Variants in COL25A1 observed in about 807,000 individuals in gnomAD.
COL25A1 encodes collagen type XXV alpha 1 chain.
Under a neutral mutation model 128.4 loss-of-function variants are expected in COL25A1, and 103 were observed. That is an observed-to-expected ratio of 0.80 (90% CI 0.68 to 0.94). COL25A1 has a LOEUF of 0.94. Among genes scored for constraint, COL25A1 ranks in the 40% least tolerant of loss-of-function variants. COL25A1 has a pLI of 0.00. For missense variants in COL25A1, 745 were observed against 840.0 expected (o/e 0.89, Z 1.40); for synonymous variants, 279 against 277.2 (o/e 1.01, Z -0.06).
intron 3 of COL25A1, among the ~76,000 whole-genome samples, chr4:109,197,379 A>AAT (rs1776148076): frequency 7.8e-6 from 1 of 129,024 alleles, no homozygotes; most frequent in Admixed American, 9.8e-5. Flanking sequence ...TAATATATAT[A>AAT]ATATATAATC....
chr4:109,007,036 T>C (rs1019479543), intron 6 of COL25A1, among the ~76,000 whole-genome samples: 1 of 152,180 alleles, frequency 6.6e-6, no homozygotes, highest in African/African-American at 2.4e-5. Context: ...AACCTGCACA[T>C]CCTGCATATG....
chr4:109,233,175 T>C (rs1369226042), intron 3 of COL25A1, among the ~76,000 whole-genome samples: 1 of 152,184 alleles, frequency 6.6e-6, no homozygotes, highest in Non-Finnish European at 1.5e-5. Context: ...TTAATGCTTA[T>C]CATCTGTATA....
intron 3 of COL25A1, among the ~76,000 whole-genome samples, chr4:109,219,713 T>A (rs1161657755): frequency 1.3e-5 from 2 of 152,184 alleles, no homozygotes; most frequent in African/African-American, 4.8e-5. Flanking sequence ...CTTTGTTGAC[T>A]AATGCCTGAA....
chr4:109,095,908 A>C (rs1765356004), intron 3 of COL25A1, among the ~76,000 whole-genome samples: 1 of 152,130 alleles, frequency 6.6e-6, no homozygotes, highest in Non-Finnish European at 1.5e-5. Context: ...GTAGCAAGAG[A>C]AATTGTTTAC....
chr4:108,840,013 G>A (rs549779043), intron 31 of COL25A1, among the ~76,000 whole-genome samples: 3 of 152,012 alleles, frequency 2.0e-5, no homozygotes, highest in African/African-American at 7.2e-5. Context: ...AGGCCGAGGC[G>A]GGCGGATCAC....
chr4:108,986,156 C>A (rs1753652623), intron 6 of COL25A1, among the ~76,000 whole-genome samples: 1 of 152,190 alleles, frequency 6.6e-6, no homozygotes, highest in Non-Finnish European at 1.5e-5. Context: ...CTGGAATAAT[C>A]TACAAGCCTC....
chr4:108,983,825 G>A (rs1358722985), intron 6 of COL25A1, among the ~76,000 whole-genome samples: 1 of 152,180 alleles, frequency 6.6e-6, no homozygotes, highest in Non-Finnish European at 1.5e-5. Flanking sequence ...CCTTCGCAGT[G>A]AGTGTTGCAG....
intron 13 of COL25A1, among the ~76,000 whole-genome samples, chr4:108,905,898 G>A (rs978000571): frequency 6.6e-6 from 1 of 151,946 alleles, no homozygotes; most frequent in East Asian, 1.9e-4. Context: ...GCAAGCTCTG[G>A]CTCGGGACAG....
intron 15 of COL25A1, among the ~76,000 whole-genome samples, chr4:108,898,899 A>G (rs1259644341): frequency 2.0e-5 from 3 of 152,038 alleles, no homozygotes; most frequent in Admixed American, 2.0e-4. Flanking sequence ...TTTTAACCCA[A>G]ATTTTTGTCT....
rs1756938144 is a variant in COL25A1, at chr4:109,013,805, C to T, written c.421-3430G>A. Among the ~76,000 whole-genome samples the T allele has an allele frequency of 2.0e-5, 3 of 152,128 alleles. No individual in the cohort carries two copies. In the South Asian group the frequency reaches 6.2e-4, roughly 32 times the overall value. On this transcript the variant is annotated intron_variant, in intron 5 of 37. Coordinates refer to ENST00000399132, the MANE Select transcript of COL25A1 (RefSeq NM_198721.4). Reference sequence around the variant, plus strand: ...GTCCGAACATCAGAAGGAACAAACTCCGGACACACCATCTTTAAGAACTGT... The same window carrying T: ...GTCCGAACATCAGAAGGAACAAACTTCGGACACACCATCTTTAAGAACTGT...
At chr4:108,971,283 A>G (rs905243271) in intron 8 of COL25A1, among the ~76,000 whole-genome samples, 4 of 152,192 alleles carry the variant, frequency 2.6e-5, no homozygotes, top group Non-Finnish European at 5.9e-5. Context: ...TTCAACAAAT[A>G]TTTATTGAAT....
chr4:109,205,750 T>C (rs1776929828), intron 3 of COL25A1, among the ~76,000 whole-genome samples: 1 of 152,172 alleles, frequency 6.6e-6, no homozygotes, highest in Admixed American at 6.5e-5. Flanking sequence ...CCTAACACTT[T>C]CCTGAAATAT....
intron 20 of COL25A1, among the ~76,000 whole-genome samples, chr4:108,867,892 A>T (rs184266687): frequency 6.5e-4 from 99 of 151,974 alleles, no homozygotes; most frequent in African/African-American, 1.4e-3. Context: ...ATATATATAT[A>T]TTTTTTTGCA....
intron 16 of COL25A1, 89 bp downstream of exon 16, chr4:108,896,578 C>G (rs1439895497): frequency 1.4e-5 from 15 of 1,062,416 alleles, no homozygotes; most frequent in Non-Finnish European, 1.8e-5. Flanking sequence ...GCAACTCTCA[C>G]TCATCTCTCT....
At chr4:108,829,371 G>A (rs187587276) in intron 32 of COL25A1, among the ~76,000 whole-genome samples, 27 of 148,074 alleles carry the variant, frequency 1.8e-4, no homozygotes, top group Admixed American at 5.5e-4. Flanking sequence ...CTAGTAAGGT[G>A]TGTATGTGTA....
intron 5 of COL25A1, among the ~76,000 whole-genome samples, chr4:109,016,204 T>C (rs559298971): frequency 6.6e-6 from 1 of 152,346 alleles, no homozygotes; most frequent in South Asian, 2.1e-4. Flanking sequence ...AGCAAAGTTG[T>C]GGCCGAGCCC....
intron 31 of COL25A1, among the ~76,000 whole-genome samples, chr4:108,835,471 T>C (rs1011206385): frequency 6.6e-6 from 1 of 152,208 alleles, no homozygotes; most frequent in East Asian, 1.9e-4. Flanking sequence ...GATGTTATTC[T>C]ACATACATTT....
rs776529581 is a variant in COL25A1 at position 108,974,545 on chromosome 4, T to G, written c.453A>C (p.Pro151=). 2.4e-5 allele frequency: 38 copies of G among 1,606,482 alleles called. No individual in the cohort carries two copies. Among genetic ancestry groups the G allele is most frequent in the Non-Finnish European group, 3.1e-5 (36 of 1,177,556 alleles). ...TGCATTTTCTTACCTTATCGCCTTT[T>G]GGACCAGGAGGGCCCTGAAAAAAAG... The part of the protein sequence containing the change: ...GQPGPQGPPG[P]KGDKGEQGDQ... Residue 151 remains proline (P), a synonymous_variant, in exon 7 of 38, where the codon CCA becomes CCC. Coordinates refer to ENST00000399132, the MANE Select transcript of COL25A1 (RefSeq NM_198721.4).
intron 17 of COL25A1, 95 bp from the exon 18 acceptor site, chr4:108,889,351 C>G: frequency 8.8e-7 from 1 of 1,139,580 alleles, no homozygotes. Context: ...TGGCCTAGCC[C>G]CCTTCTTCAA....
Sources: allele counts gnomAD v4.1 joint callset (sites outside exome capture counted in the v4.1 genomes callset), GRCh38; gene constraint gnomAD v4.1.1; transcripts MANE v1.5; gene names NCBI Gene and HGNC (gene_info 2026-07-23, HGNC 2026-07-21).